Variants in CEACAM1 observed in about 807,000 individuals in gnomAD.
The protein encoded by CEACAM1 is cell adhesion molecule CEACAM1.
Under a neutral mutation model 49.1 loss-of-function variants are expected in CEACAM1, and 31 were observed. That is an observed-to-expected ratio of 0.63 (90% CI 0.47 to 0.85). The LOEUF (loss-of-function observed/expected upper bound fraction) is 0.85, where lower values mean the gene tolerates loss of function less well. Ranked by LOEUF, CEACAM1 falls within the 40% of genes least tolerant of loss-of-function variation. The pLI is 0.00. For synonymous variants in CEACAM1, 244 were observed against 247.8 expected (o/e 0.98, Z 0.14); for missense variants, 570 against 645.3 (o/e 0.88, Z 1.26).
intron 1 of CEACAM1, among the ~76,000 whole-genome samples, chr19:42,528,095 G>C (rs1385032911): frequency 6.6e-6 from 1 of 152,196 alleles, no homozygotes; most frequent in Non-Finnish European, 1.5e-5. Flanking sequence ...TGATGATTCA[G>C]TTGGAAAAGG....
At chr19:42,522,385 C>T (rs1420384940) in intron 2 of CEACAM1, among the ~76,000 whole-genome samples, 183 bp from the exon 3 acceptor site, 1 of 152,136 alleles carries the variant, frequency 6.6e-6, no homozygotes, top group African/African-American at 2.4e-5. Flanking sequence ...AGCAATTCTC[C>T]TGCCTCAGCT....
chr19:42,518,644 C>T (rs1424398884), intron 5 of CEACAM1: 2 of 323,878 alleles, frequency 6.2e-6, no homozygotes, highest in African/African-American at 2.2e-5. Flanking sequence ...ACTACAGGCG[C>T]CCGCCACCAT....
rs1333598863 is a variant in CEACAM1 at position 42,510,911 on chromosome 19, T to C, written c.1439A>G (p.His480Arg). Reference protein sequence around the residue: ...KPSVSNHTQDHSNDPPNKMNE... With the variant: ...KPSVSNHTQDRSNDPPNKMNE... ...TACCTTGTTAGGTGGGTCATTGGAG[T>C]GGTCCTGAGCTGGAGAAGCAAAAGA... The change falls in exon 8 of 9, where the codon CAC (histidine) becomes CGC (arginine). Residue 480 changes from histidine to arginine, a missense_variant. His to Arg is a conservative substitution (Grantham distance 29). Transcript: ENST00000161559. 4 of 1,613,896 alleles carry C rather than the reference T, an allele frequency of 2.5e-6. No homozygotes were observed. Among genetic ancestry groups the C allele is most frequent in the Non-Finnish European group, 3.4e-6 (4 of 1,179,884 alleles).
At chr19:42,519,727 G>A (rs554984465) in intron 4 of CEACAM1, among the ~76,000 whole-genome samples, 9 of 152,006 alleles carry the variant, frequency 5.9e-5, no homozygotes, top group Non-Finnish European at 1.2e-4. Context: ...GTGCCACCAT[G>A]CCCAGCTAAT....
At chr19:42,511,321 G>A in intron 7 of CEACAM1, 6 of 586,782 alleles carry the variant, frequency 1.0e-5, no homozygotes. Flanking sequence ...TGAGGAAATG[G>A]CTCCTGGAAA....
rs775574880 is a variant in CEACAM1 at position 42,511,565 on chromosome 19, G to C, written c.1429+11C>G. The C allele has an allele frequency of 6.2e-7, 1 of 1,609,782 alleles. No homozygotes were observed. The highest frequency in any genetic ancestry group is 2.2e-5 in the East Asian group (1 of 44,856). On this transcript the variant is annotated intron_variant, in intron 7 of 8. Transcript: ENST00000161559. Reference sequence around the variant, plus strand: ...ATACCAGTTCTCACTGGGGTAAGTGGCTTTACTTACTGTGGTTGGAGACTG... The same window carrying C: ...ATACCAGTTCTCACTGGGGTAAGTGCCTTTACTTACTGTGGTTGGAGACTG...
chr19:42,514,182 A>C (rs1344888970), intron 5 of CEACAM1, among the ~76,000 whole-genome samples: 2 of 147,254 alleles, frequency 1.4e-5, no homozygotes, highest in African/African-American at 2.5e-5. Context: ...CCTAGGCTAG[A>C]GTGCAATGGC....
intron 7 of CEACAM1, chr19:42,511,351 C>T (rs1400670379): frequency 5.0e-6 from 3 of 596,296 alleles, no homozygotes; most frequent in Non-Finnish European, 9.0e-6. Context: ...TTCCTCAGGC[C>T]TGCCTGGCCT....
chr19:42,508,752 A>G lies in CEACAM1; in HGVS notation c.*357T>C. ...TATGGCAAATCCGAATTAGAGTGATAGGACAGGACTGGGGGTGGGAAGGAA... is the reference window on the plus strand; with the variant it reads ...TATGGCAAATCCGAATTAGAGTGATGGGACAGGACTGGGGGTGGGAAGGAA... On this transcript the variant is annotated 3_prime_UTR_variant, in exon 9 of 9. Coordinates refer to ENST00000161559, the MANE Select transcript of CEACAM1 (RefSeq NM_001712.5). 4.6e-6 allele frequency: 1 copy of G among 216,266 alleles called. No homozygotes were observed. The highest frequency in any genetic ancestry group is 9.3e-6 in the Non-Finnish European group (1 of 107,302). 13.4% of individuals were successfully genotyped at this position (216,266 alleles called of 1,614,324 possible).
At chr19:42,518,749 C>T in intron 5 of CEACAM1, 199 bp downstream of exon 5, 1 of 628,530 alleles carries the variant, frequency 1.6e-6, no homozygotes. Flanking sequence ...ATCCGCCCGC[C>T]TTGGCCTCCC....
chr19:42,511,052 TG>T, intron 7 of CEACAM1, 132 bp from the exon 8 acceptor site: 1 of 807,942 alleles, frequency 1.2e-6, no homozygotes, highest in Non-Finnish European at 2.1e-6. Context: ...TCCCTCAGAG[TG>T]TATGGTCCAG....
At position 42,510,887 on chromosome 19, in the gene CEACAM1, A is replaced by T; in HGVS notation, c.1461+2T>A. On this transcript the variant is annotated splice_donor_variant, in intron 8 of 8. Coordinates refer to ENST00000161559, the MANE Select transcript of CEACAM1 (RefSeq NM_001712.5). LOFTEE classifies it high-confidence loss of function. ...AAGCCCATGAAAACCGGCTATGCTT[A>T]CCTTGTTAGGTGGGTCATTGGAGTG... 1 of 1,613,456 alleles carries T rather than the reference A, an allele frequency of 6.2e-7. No individual in the cohort carries two copies. Among genetic ancestry groups the T allele is most frequent in the Non-Finnish European group, 8.5e-7 (1 of 1,179,340 alleles).
At chr19:42,524,555 CTG>C (rs931288922) in intron 2 of CEACAM1, among the ~76,000 whole-genome samples, 10 of 152,130 alleles carry the variant, frequency 6.6e-5, no homozygotes, top group African/African-American at 2.4e-4. Context: ...GGTGGCTGCT[CTG>C]GGCTCATTTC....
chr19:42,509,752 A>G (rs1326714249), intron 8 of CEACAM1, among the ~76,000 whole-genome samples: 5 of 151,792 alleles, frequency 3.3e-5, no homozygotes, highest in African/African-American at 4.8e-5. Flanking sequence ...TCAGCCTCCC[A>G]AGTAGCTGGG....
chr19:42,522,251 C>A, intron 2 of CEACAM1, 49 bp from the exon 3 acceptor site: 1 of 1,589,210 alleles, frequency 6.3e-7, no homozygotes, highest in South Asian at 1.1e-5. Context: ...CCTTTGATTC[C>A]TCCACAGGCA....
In CEACAM1 at chr19:42,528,331, C is replaced by T. The variant is rs879255372; in HGVS notation, c.44G>A (p.Trp15Ter). The T allele has an allele frequency of 6.2e-6, 10 of 1,613,774 alleles. No homozygotes were observed. Among genetic ancestry groups the T allele is most frequent in the Middle Eastern group, 1.7e-4 (1 of 6,058 alleles). The change falls in exon 1 of 9, where the codon TGG (tryptophan) becomes TAG (stop). Residue 15 changes from tryptophan (W) to a stop codon, truncating the protein, a stop_gained. Transcript: ENST00000161559. LOFTEE classifies it high-confidence loss of function. ...CTCACCTGTGAGCAGAAGCCCCTGC[C>T]AGGGTACACGCACTCTGTGAAGTGG... Reference protein sequence around the residue: ...SAPLHRVRVPWQGLLLTASLL... With the variant: ...SAPLHRVRVP
Position 42,521,430 on chromosome 19 carries a change from T to G in CEACAM1, c.795A>C (p.Pro265=). 1 of 1,614,062 alleles carries G rather than the reference T, an allele frequency of 6.2e-7. No homozygotes were observed. The highest frequency in any genetic ancestry group is 8.5e-7 in the Non-Finnish European group (1 of 1,179,996). ...LSLSCYAASN[P]PAQYSWLING... ...TGATAAGCCAGGAGTACTGTGCAGGTGGGTTAGAGGCTGCATAGCAGGAGA... is the reference window on the plus strand; with the variant it reads ...TGATAAGCCAGGAGTACTGTGCAGGGGGGTTAGAGGCTGCATAGCAGGAGA... The change falls in exon 4 of 9, where the codon CCA becomes CCC. Residue 265 remains proline, a synonymous_variant. Transcript: ENST00000161559.
At position 42,527,190 on chromosome 19, in the gene CEACAM1, C is replaced by A; in HGVS notation, c.275G>T (p.Gly92Val). 1 of 1,614,012 alleles carries A rather than the reference C, an allele frequency of 6.2e-7. No individual in the cohort carries two copies. The highest frequency in any genetic ancestry group is 1.6e-4 in the Middle Eastern group (1 of 6,062). ...YAIGTQQATP[G>V]PANSGRETIY... ...TGTCTCTCGACCGCTGTTTGCGGGC[C>A]CTGGGGTAGCTTGTTGAGTTCCTAT... is the stretch of plus-strand genomic sequence containing the variant. The change falls in exon 2 of 9, where the codon GGG (glycine) becomes GTG (valine). Residue 92 changes from glycine to valine, a missense_variant. Transcript: ENST00000161559.
rs377703170 is a variant in CEACAM1, at chr19:42,521,528, C to T, written c.704-7G>A. 1 of 1,611,794 alleles carries T rather than the reference C, an allele frequency of 6.2e-7. No individual in the cohort carries two copies. The highest frequency in any genetic ancestry group is 8.5e-7 in the Non-Finnish European group (1 of 1,178,800). ...GTGGGGGTGTCCGGGCCATCTGGAGCAAAGAGAATAAAGCCACAGGTGATG... is the reference window on the plus strand; with the variant it reads ...GTGGGGGTGTCCGGGCCATCTGGAGTAAAGAGAATAAAGCCACAGGTGATG... On this transcript the variant is annotated splice_polypyrimidine_tract_variant and splice_region_variant and intron_variant, in intron 3 of 8. Coordinates refer to ENST00000161559, the MANE Select transcript of CEACAM1 (RefSeq NM_001712.5).
Sources: allele counts gnomAD v4.1 joint callset (sites outside exome capture counted in the v4.1 genomes callset), GRCh38; gene constraint gnomAD v4.1.1; transcripts MANE v1.5; gene names NCBI Gene and HGNC (gene_info 2026-07-23, HGNC 2026-07-21).